Variants in SRGAP1 observed in about 807,000 individuals in gnomAD.
SRGAP1 encodes the protein SLIT-ROBO Rho GTPase activating protein 1.
In SRGAP1, 43 loss-of-function variants were observed where a neutral mutation model predicts 121.9. That is an observed-to-expected ratio of 0.35 (90% CI 0.28 to 0.46). SRGAP1 has a LOEUF of 0.46. Among genes scored for constraint, SRGAP1 ranks in the 20% least tolerant of loss-of-function variants. The pLI, the probability that SRGAP1 is intolerant of heterozygous loss-of-function variation, is 1.00. For synonymous variants in SRGAP1, 447 were observed against 485.4 expected (o/e 0.92, Z 1.04); for missense variants, 1,102 against 1,350.9 (o/e 0.82, Z 2.89).
chr12:63,907,595 T>G (rs2030276767), intron 1 of SRGAP1, among the ~76,000 whole-genome samples: 1 of 152,184 alleles, frequency 6.6e-6, no homozygotes, highest in Non-Finnish European at 1.5e-5. Context: ...ACTGTTGAGT[T>G]GTAAGAGTTC....
intron 1 of SRGAP1, among the ~76,000 whole-genome samples, chr12:63,969,819 A>G (rs1008655544): frequency 6.6e-6 from 1 of 151,824 alleles, no homozygotes; most frequent in Non-Finnish European, 1.5e-5. Context: ...AAAACTAAAA[A>G]ATCTACTGTC....
At chr12:63,926,588 A>G (rs1209425666) in intron 1 of SRGAP1, among the ~76,000 whole-genome samples, 2 of 152,188 alleles carry the variant, frequency 1.3e-5, no homozygotes, top group Non-Finnish European at 2.9e-5. Context: ...TCATAATTGT[A>G]TACATTCATG....
At position 64,144,105 on chromosome 12, in the gene SRGAP1, A is replaced by G. The variant is rs904996353; in HGVS notation, c.*1433A>G. 2 of 152,174 alleles carry G rather than the reference A, an allele frequency of 1.3e-5. No individual in the cohort carries two copies. Among genetic ancestry groups the G allele is most frequent in the Non-Finnish European group, 2.9e-5 (2 of 68,040 alleles). 9.4% of individuals were successfully genotyped at this position (152,174 alleles called of 1,614,324 possible). On this transcript the variant is annotated 3_prime_UTR_variant, in exon 22 of 22. Transcript: ENST00000355086. ...CAGGCAATTTTTTAAGCCTATATTT[A>G]TGCTACATTTTCCCCCATCTTAAGA...
chr12:64,040,967 A>T (rs1413939082), intron 4 of SRGAP1, among the ~76,000 whole-genome samples: 2 of 152,194 alleles, frequency 1.3e-5, no homozygotes, highest in Non-Finnish European at 1.5e-5. Flanking sequence ...TTGTAACAAT[A>T]ATATAGCCAA....
chr12:64,020,685 A>T (rs1248827071), intron 4 of SRGAP1, among the ~76,000 whole-genome samples: 1 of 151,948 alleles, frequency 6.6e-6, no homozygotes, highest in African/African-American at 2.4e-5. Context: ...TTTACTAAAA[A>T]TACAAAAATT....
chr12:64,128,258 G>A lies in SRGAP1; in HGVS notation c.2880+58G>A, dbSNP rs1019589251. The A allele has an allele frequency of 4.1e-5, 58 of 1,421,108 alleles. No individual in the cohort carries two copies. In the Admixed American group the frequency reaches 1.3e-3, roughly 31 times the overall value. The allele number at this position is 1,421,108 out of a possible 1,614,324, so 88.0% of individuals were successfully genotyped here. ...AGTACCTAAGTGTGATGTAGGAGGT[G>A]TGAAAGATTTACTTTATTTACTTTT... is the stretch of plus-strand genomic sequence containing the variant. On this transcript the variant is annotated intron_variant, in intron 21 of 21. Transcript: ENST00000355086.
chr12:64,137,320 C>T (rs939416512), intron 21 of SRGAP1, among the ~76,000 whole-genome samples: 3 of 151,778 alleles, frequency 2.0e-5, no homozygotes, highest in African/African-American at 7.3e-5. Context: ...GATGACTAGG[C>T]TCTGCACATG....
At chr12:63,899,400 TAAAAG>T (rs1458776891) in intron 1 of SRGAP1, among the ~76,000 whole-genome samples, 5 of 152,032 alleles carry the variant, frequency 3.3e-5, no homozygotes, top group Non-Finnish European at 7.4e-5. Flanking sequence ...CTTTTGTTGT[TAAAAG>T]AAAAACCTTA....
At chr12:64,041,105 A>G in intron 4 of SRGAP1, among the ~76,000 whole-genome samples, 1 of 152,270 alleles carries the variant, frequency 6.6e-6, no homozygotes, top group Middle Eastern at 3.5e-3. Flanking sequence ...AATTAGATAT[A>G]CATCAAAGGT....
chr12:64,014,124 T>G lies in SRGAP1; in HGVS notation c.427-2826T>G, dbSNP rs1218872874. On this transcript the variant is annotated intron_variant, in intron 3 of 21. Coordinates refer to ENST00000355086, the MANE Select transcript of SRGAP1 (RefSeq NM_020762.4). ...CTTATTAACACTTACAAGAACCTTA[T>G]GAGATAAGTACAATGCCTATATTCA... Among the ~76,000 whole-genome samples the G allele has an allele frequency of 1.3e-5, 2 of 152,318 alleles. 1 individual carries two copies. The highest frequency in any genetic ancestry group is 4.1e-4 in the South Asian group (2 of 4,824).
chr12:64,116,025 T>C, intron 18 of SRGAP1, 132 bp downstream of exon 18: 1 of 750,620 alleles, frequency 1.3e-6, no homozygotes, highest in Non-Finnish European at 2.2e-6. Flanking sequence ...GAAGCCAAGG[T>C]TGGAGGATCA....
intron 1 of SRGAP1, among the ~76,000 whole-genome samples, chr12:63,846,903 A>G (rs1232069976): frequency 6.6e-6 from 1 of 152,234 alleles, no homozygotes; most frequent in African/African-American, 2.4e-5. Context: ...AGAGTGGGAG[A>G]CAAATAACAG....
intron 4 of SRGAP1, among the ~76,000 whole-genome samples, chr12:64,018,064 T>C (rs1017909171): frequency 3.9e-5 from 6 of 152,002 alleles, no homozygotes; most frequent in African/African-American, 1.2e-4. Flanking sequence ...ATGAAAGATA[T>C]TTGGATTTTT....
At chr12:64,082,712 T>G (rs1008005217) in intron 10 of SRGAP1, among the ~76,000 whole-genome samples, 4 of 152,174 alleles carry the variant, frequency 2.6e-5, no homozygotes, top group African/African-American at 9.6e-5. Context: ...CCTCCCAAAG[T>G]GCTGAGATTA....
intron 4 of SRGAP1, among the ~76,000 whole-genome samples, chr12:64,034,152 T>C (rs2034847287): frequency 6.6e-6 from 1 of 152,148 alleles, no homozygotes; most frequent in Non-Finnish European, 1.5e-5. Context: ...TGGGACCTGG[T>C]GGGAGGTGAT....
chr12:63,880,212 T>C (rs574492202), intron 1 of SRGAP1, among the ~76,000 whole-genome samples: 2 of 152,142 alleles, frequency 1.3e-5, no homozygotes, highest in Non-Finnish European at 2.9e-5. Flanking sequence ...CCCAGCCATG[T>C]AGAACTGTGA....
At chr12:64,043,739 T>C (rs2035069543) in intron 6 of SRGAP1, 164 bp downstream of exon 6, 2 of 519,540 alleles carry the variant, frequency 3.8e-6, no homozygotes, top group Admixed American at 3.8e-5. Flanking sequence ...GAAGACACTA[T>C]CATCTGTAAG....
intron 8 of SRGAP1, among the ~76,000 whole-genome samples, chr12:64,072,355 T>C (rs1013753164): frequency 1.3e-5 from 2 of 152,042 alleles, no homozygotes; most frequent in Non-Finnish European, 2.9e-5. Context: ...CAAGGCACAG[T>C]GCCATAATAT....
At chr12:64,039,156 C>T (rs2034957931) in intron 4 of SRGAP1, among the ~76,000 whole-genome samples, 1 of 152,194 alleles carries the variant, frequency 6.6e-6, no homozygotes, top group African/African-American at 2.4e-5. Flanking sequence ...TTTTAAAATT[C>T]ATTCACTGTA....
Sources: allele counts gnomAD v4.1 joint callset (sites outside exome capture counted in the v4.1 genomes callset), GRCh38; gene constraint gnomAD v4.1.1; transcripts MANE v1.5; gene names NCBI Gene and HGNC (gene_info 2026-07-23, HGNC 2026-07-21).